NFATC3: variants seen among roughly 807,000 people sequenced by gnomAD.
The protein encoded by NFATC3 is nuclear factor of activated T cells 3, also known as nuclear factor of activated T-cells, cytoplasmic 3.
Under a neutral mutation model 98.6 loss-of-function variants are expected in NFATC3, and 46 were observed. The ratio of observed to expected loss-of-function variants is 0.47; its 90% CI spans 0.37 to 0.60. The LOEUF is 0.60. Ranked by LOEUF, NFATC3 falls within the 20% of genes least tolerant of loss-of-function variation. The pLI is 0.00. For synonymous variants in NFATC3, 512 were observed against 472.2 expected (o/e 1.08, Z -1.09); for missense variants, 1,256 against 1,295.5 (o/e 0.97, Z 0.47).
At chr16:68,160,792 C>A (rs757763868) in intron 4 of NFATC3, among the ~76,000 whole-genome samples, 7 of 152,182 alleles carry the variant, frequency 4.6e-5, no homozygotes, top group Admixed American at 2.0e-4. Context: ...TCAAGTGATT[C>A]TCGTGCTTCA....
chr16:68,188,344 C>T (rs2040299805), intron 8 of NFATC3, among the ~76,000 whole-genome samples: 1 of 152,166 alleles, frequency 6.6e-6, no homozygotes, highest in Admixed American at 6.5e-5. Flanking sequence ...GCCCCTCTCC[C>T]CCCGCCAAGA....
chr16:68,205,062 ACATGT>A (rs932091131), intron 9 of NFATC3, among the ~76,000 whole-genome samples: 14 of 151,696 alleles, frequency 9.2e-5, no homozygotes, highest in African/African-American at 3.1e-4. Flanking sequence ...GCAAGAGACA[ACATGT>A]GAAAGTCTCA....
chr16:68,219,581 GTAA>G (rs971636918), intron 9 of NFATC3, among the ~76,000 whole-genome samples: 5 of 151,368 alleles, frequency 3.3e-5, no homozygotes, highest in East Asian at 1.9e-4. Flanking sequence ...AATAATAATA[GTAA>G]TAATAATAAT....
chr16:68,134,979 GTC>G (rs1337038736), intron 3 of NFATC3, among the ~76,000 whole-genome samples: 2 of 150,244 alleles, frequency 1.3e-5, no homozygotes, highest in African/African-American at 4.8e-5. Flanking sequence ...GACTGATACA[GTC>G]TCTTTTTTTT....
At chr16:68,141,009 C>T (rs566987776) in intron 3 of NFATC3, among the ~76,000 whole-genome samples, 1 of 152,304 alleles carries the variant, frequency 6.6e-6, no homozygotes, top group South Asian at 2.1e-4. Flanking sequence ...TTTGTGTACC[C>T]ATAGCTTTGC....
intron 4 of NFATC3, among the ~76,000 whole-genome samples, chr16:68,160,425 ATT>A (rs2038837182): frequency 6.6e-6 from 1 of 152,146 alleles, no homozygotes; most frequent in South Asian, 2.1e-4. Context: ...AGATTGCGCC[ATT>A]GCACTCCAGC....
At chr16:68,221,593 C>T (rs1231197070) in intron 9 of NFATC3, 26 of 1,083,944 alleles carry the variant, frequency 2.4e-5, no homozygotes, top group Admixed American at 1.4e-4. Flanking sequence ...TAGAGAAAGT[C>T]TGCCCCGTTG....
intron 1 of NFATC3, among the ~76,000 whole-genome samples, chr16:68,114,357 A>C (rs1293632190): frequency 2.6e-5 from 4 of 152,064 alleles, no homozygotes; most frequent in Non-Finnish European, 4.4e-5. Context: ...TGGGAGCCGC[A>C]GACTGGAGTG....
At chr16:68,213,631 C>T (rs2041513973) in intron 9 of NFATC3, among the ~76,000 whole-genome samples, 1 of 151,890 alleles carries the variant, frequency 6.6e-6, no homozygotes, top group Admixed American at 6.6e-5. Flanking sequence ...AGTTTGAGAC[C>T]CACCTGGCCA....
In NFATC3 at chr16:68,122,510, G is replaced by T. The variant is rs778897966; in HGVS notation, c.627G>T (p.Leu209=). The change falls in exon 2 of 10, where the codon CTG becomes CTT. Residue 209 remains leucine (L), a synonymous_variant. Coordinates refer to ENST00000346183, the MANE Select transcript of NFATC3 (RefSeq NM_173165.3). ...CCCGATTTACCCTTGGATCCCCTCT[G>T]ACTTCTCCTGGTGGCTCTCCAGGGG... ...AAARFTLGSP[L]TSPGGSPGGC... The T allele has an allele frequency of 1.2e-6, 2 of 1,614,064 alleles. No individual in the cohort carries two copies. Among genetic ancestry groups the T allele is most frequent in the Non-Finnish European group, 1.7e-6 (2 of 1,180,024 alleles).
intron 9 of NFATC3, chr16:68,192,225 AAAAAAATATATATATATAT>A: frequency 1.3e-5 from 1 of 79,066 alleles, no homozygotes; most frequent in East Asian, 6.6e-4. Flanking sequence ...AAAAAAAAAA[AAAAAAATATATATATATAT>A]ATATATATAT....
At chr16:68,114,525 TG>T (rs1162402350) in intron 1 of NFATC3, among the ~76,000 whole-genome samples, 2 of 151,928 alleles carry the variant, frequency 1.3e-5, no homozygotes, top group African/African-American at 4.8e-5. Flanking sequence ...AAATAACAAC[TG>T]AGCAGATGTT....
At chr16:68,117,299 G>A (rs975671548) in intron 1 of NFATC3, among the ~76,000 whole-genome samples, 1 of 152,106 alleles carries the variant, frequency 6.6e-6, no homozygotes, top group Non-Finnish European at 1.5e-5. Flanking sequence ...AAGAAACATG[G>A]TTCAAAAATT....
chr16:68,122,114 G>T lies in NFATC3; in HGVS notation c.231G>T (p.Ser77=). 3 of 1,613,918 alleles carry T rather than the reference G, an allele frequency of 1.9e-6. No homozygotes were observed. Among genetic ancestry groups the T allele is most frequent in the Non-Finnish European group, 2.5e-6 (3 of 1,179,998 alleles). The stretch of plus-strand genomic sequence containing the variant: ...CTCACTCTTCTGTTTTGTCACCATC[G>T]TTTCAGCTCCAAAGTCACAAAAACT... ...LPSHSSVLSP[S]FQLQSHKNYE... is the part of the protein sequence containing the mutation. The change falls in exon 2 of 10, where the codon TCG becomes TCT. Residue 77 remains serine (S), a synonymous_variant. Transcript: ENST00000346183.
At chr16:68,142,794 A>T (rs1315868552) in intron 3 of NFATC3, among the ~76,000 whole-genome samples, 7 of 151,900 alleles carry the variant, frequency 4.6e-5, no homozygotes, top group Non-Finnish European at 1.5e-5. Context: ...CTTTTGGGTA[A>T]GTCTTTAGGG....
chr16:68,147,474 T>C (rs1884384286), intron 3 of NFATC3, among the ~76,000 whole-genome samples: 1 of 152,202 alleles, frequency 6.6e-6, no homozygotes, highest in Non-Finnish European at 1.5e-5. Flanking sequence ...AAATTTATTC[T>C]TTCAACAATG....
intron 3 of NFATC3, among the ~76,000 whole-genome samples, chr16:68,151,173 G>A (rs1212713082): frequency 3.3e-5 from 5 of 151,796 alleles, no homozygotes; most frequent in Admixed American, 2.6e-4. Context: ...AAGCAAAACA[G>A]TGGGACCCCA....
chr16:68,096,147 A>T (rs1281620048), intron 1 of NFATC3, among the ~76,000 whole-genome samples: 1 of 151,852 alleles, frequency 6.6e-6, no homozygotes, highest in Non-Finnish European at 1.5e-5. Flanking sequence ...ATTGTTTTTG[A>T]TAGAGACGGA....
chr16:68,110,260 C>T (rs1036173093), intron 1 of NFATC3, among the ~76,000 whole-genome samples: 1 of 151,268 alleles, frequency 6.6e-6, no homozygotes, highest in African/African-American at 2.4e-5. Context: ...CTGCCTTGGC[C>T]TCCCAAAGTG....
Sources: allele counts gnomAD v4.1 joint callset (sites outside exome capture counted in the v4.1 genomes callset), GRCh38; gene constraint gnomAD v4.1.1; transcripts MANE v1.5; gene names NCBI Gene and HGNC (gene_info 2026-07-23, HGNC 2026-07-21).